The following TMTC2 variants were observed in gnomAD, a reference collection of about 807,000 sequenced individuals.
TMTC2 encodes protein O-mannosyl-transferase TMTC2.
Under a neutral mutation model 82.4 loss-of-function variants are expected in TMTC2, and 43 were observed. The observed-to-expected ratio is 0.52, with a 90% CI of 0.41 to 0.67. The LOEUF is 0.67. Ranked by LOEUF, TMTC2 falls within the 30% of genes least tolerant of loss-of-function variation. TMTC2 has a pLI of 0.00. For missense variants in TMTC2, 919 were observed against 1,012.4 expected (o/e 0.91, Z 1.25); for synonymous variants, 408 against 381.9 (o/e 1.07, Z -0.80).
intron 4 of TMTC2, among the ~76,000 whole-genome samples, chr12:82,958,353 TCAAAAAAAAAAAAAAAA>T (rs1435510517): frequency 2.9e-5 from 1 of 34,262 alleles, no homozygotes; most frequent in East Asian, 1.8e-3. Context: ...AGAGTCTGTC[TCAAAAAAAAAAAAAAAA>T]CAAAAAAAAC....
chr12:82,815,313 T>A (rs116477957), intron 1 of TMTC2, among the ~76,000 whole-genome samples: 1,884 of 149,456 alleles, frequency 0.013, 35 homozygotes, highest in African/African-American at 0.042. Flanking sequence ...TAATTAATTA[T>A]TTATTTATTT....
At position 82,696,963 on chromosome 12, in the gene TMTC2, C is replaced by CATATATAT. The variant is rs1491534159; in HGVS notation, c.83+9294_83+9295insATATATAT. 6.6e-4 allele frequency among the ~76,000 whole-genome samples: 80 copies of CATATATAT among 121,342 alleles called. 4 individuals are homozygous for CATATATAT. Among genetic ancestry groups the CATATATAT allele is most frequent in the Admixed American group, 6.2e-3 (73 of 11,734 alleles). 79.6% of individuals were successfully genotyped at this position (121,342 alleles called of 152,430 possible). On this transcript the variant is annotated intron_variant, in intron 1 of 11. Coordinates refer to ENST00000321196, the MANE Select transcript of TMTC2 (RefSeq NM_152588.3). ...AGCTCTCTTTCTACATACATACATA[C>CATATATAT]GTATATATATATATATATATGTTTC...
At chr12:83,012,967 G>A (rs566926234) in intron 8 of TMTC2, among the ~76,000 whole-genome samples, 4 of 152,216 alleles carry the variant, frequency 2.6e-5, no homozygotes, top group East Asian at 1.9e-4. Flanking sequence ...GGAGATTAAT[G>A]TGAAATATTT....
chr12:82,912,828 CT>C (rs1408969043), intron 3 of TMTC2, among the ~76,000 whole-genome samples: 1 of 151,066 alleles, frequency 6.6e-6, no homozygotes, highest in Non-Finnish European at 1.5e-5. Flanking sequence ...GTTGCAGCTA[CT>C]TGGGGGGCTG....
At chr12:82,882,822 CCGAGG>C (rs1377768820) in intron 2 of TMTC2, among the ~76,000 whole-genome samples, 1 of 151,998 alleles carries the variant, frequency 6.6e-6, no homozygotes, top group Admixed American at 6.6e-5. Flanking sequence ...CTTTGGGAGG[CCGAGG>C]CAGGCAGATC....
At chr12:82,968,938 C>T (rs758231939) in intron 7 of TMTC2, among the ~76,000 whole-genome samples, 3 of 152,068 alleles carry the variant, frequency 2.0e-5, no homozygotes, top group Admixed American at 6.6e-5. Flanking sequence ...ATTTTTTCTA[C>T]GATTATGGTG....
intron 8 of TMTC2, among the ~76,000 whole-genome samples, chr12:83,028,627 CTTT>C (rs927339202): frequency 6.7e-6 from 1 of 148,324 alleles, no homozygotes; most frequent in Non-Finnish European, 1.5e-5. Flanking sequence ...TGCCTGTCCT[CTTT>C]TTTTTTTATT....
At chr12:82,919,815 T>A (rs531992208) in intron 3 of TMTC2, among the ~76,000 whole-genome samples, 1 of 152,302 alleles carries the variant, frequency 6.6e-6, no homozygotes, top group Admixed American at 6.5e-5. Flanking sequence ...GATATAGGGG[T>A]TGGGCTCTCA....
At chr12:83,011,149 A>G (rs1880438938) in intron 8 of TMTC2, among the ~76,000 whole-genome samples, 1 of 152,172 alleles carries the variant, frequency 6.6e-6, no homozygotes, top group Non-Finnish European at 1.5e-5. Context: ...GATGTCTAAT[A>G]TTTCAAAAGT....
intron 6 of TMTC2, among the ~76,000 whole-genome samples, chr12:82,966,251 T>G (rs1878202693): frequency 6.6e-6 from 1 of 152,162 alleles, no homozygotes; most frequent in Admixed American, 6.5e-5. Flanking sequence ...TTATTATTTC[T>G]TAACTGAGGG....
chr12:83,031,010 T>G, intron 9 of TMTC2, 131 bp downstream of exon 9: 1 of 633,858 alleles, frequency 1.6e-6, no homozygotes, highest in Non-Finnish European at 2.8e-6. Flanking sequence ...AGCCTCATGC[T>G]ATATTCCTAC....
chr12:82,904,623 A>G (rs144193281), intron 3 of TMTC2, among the ~76,000 whole-genome samples: 104 of 152,308 alleles, frequency 6.8e-4, no homozygotes, highest in Middle Eastern at 3.4e-3. Context: ...GCTTAGGAAA[A>G]AGCAAATTTT....
intron 1 of TMTC2, among the ~76,000 whole-genome samples, chr12:82,810,081 C>T (rs1019851157): frequency 6.6e-6 from 1 of 151,946 alleles, no homozygotes; most frequent in Non-Finnish European, 1.5e-5. Flanking sequence ...CATAATGATA[C>T]TATTGTTTTG....
At chr12:82,724,345 A>C (rs1000589092) in intron 1 of TMTC2, among the ~76,000 whole-genome samples, 12 of 152,154 alleles carry the variant, frequency 7.9e-5, no homozygotes, top group African/African-American at 2.7e-4. Context: ...TCCCCACTCA[A>C]ATCTCATCTC....
chr12:82,858,146 T>A (rs1871352538), intron 2 of TMTC2, among the ~76,000 whole-genome samples: 1 of 152,208 alleles, frequency 6.6e-6, no homozygotes, highest in Non-Finnish European at 1.5e-5. Context: ...ATTATTGAGT[T>A]TCTCCCTGTG....
At chr12:83,071,541 C>T (rs11531136) in intron 11 of TMTC2, among the ~76,000 whole-genome samples, 49,445 of 151,858 alleles carry the variant, frequency 0.33, 8,185 homozygotes, top group East Asian at 0.47. Context: ...TCCTTCTTTA[C>T]CTGACTTGTA....
intron 1 of TMTC2, among the ~76,000 whole-genome samples, chr12:82,705,875 C>G (rs1301071376): frequency 6.6e-6 from 1 of 152,158 alleles, no homozygotes. Context: ...CAAACAGCTA[C>G]TCTAAAATAG....
chr12:83,120,410 A>G (rs1471296213), intron 11 of TMTC2, among the ~76,000 whole-genome samples: 1 of 152,220 alleles, frequency 6.6e-6, no homozygotes, highest in African/African-American at 2.4e-5. Context: ...TTCATAGACG[A>G]ATCTTAGTTT....
At chr12:82,823,357 C>A (rs1489243492) in intron 1 of TMTC2, among the ~76,000 whole-genome samples, 2 of 152,060 alleles carry the variant, frequency 1.3e-5, no homozygotes, top group East Asian at 3.8e-4. Flanking sequence ...GAATTTTTTT[C>A]TCTACACAAA....
Sources: allele counts gnomAD v4.1 joint callset (sites outside exome capture counted in the v4.1 genomes callset), GRCh38; gene constraint gnomAD v4.1.1; transcripts MANE v1.5; gene names NCBI Gene and HGNC (gene_info 2026-07-23, HGNC 2026-07-21).